The following FTO variants were observed in gnomAD, a reference collection of about 807,000 sequenced individuals.
FTO encodes the protein FTO alpha-ketoglutarate dependent dioxygenase, also known as alpha-ketoglutarate-dependent dioxygenase FTO.
A neutral mutation model predicts 63.9 loss-of-function variants in FTO; 47 were observed. That is an observed-to-expected ratio of 0.74 (90% CI 0.58 to 0.94). The LOEUF (loss-of-function observed/expected upper bound fraction) is 0.94. FTO is among the 40% of genes least tolerant of loss of function. The pLI, the probability that FTO is intolerant of heterozygous loss-of-function variation, is 0.00. For missense variants in FTO, 562 were observed against 618.1 expected, an observed-to-expected ratio of 0.91 and a Z score of 0.96; for synonymous variants, 207 against 224.4, an observed-to-expected ratio of 0.92 and a Z score of 0.69.
chr16:53,868,462 A>C (rs969816701), intron 4 of FTO, among the ~76,000 whole-genome samples: 11 of 152,282 alleles, frequency 7.2e-5, no homozygotes, highest in African/African-American at 2.2e-4. Context: ...GTGCAAGTAC[A>C]GTAAAATAAA....
intron 2 of FTO, among the ~76,000 whole-genome samples, chr16:53,821,484 A>G (rs1311515046): frequency 1.3e-5 from 2 of 152,202 alleles, no homozygotes; most frequent in Non-Finnish European, 2.9e-5. Flanking sequence ...AGCTATGTAA[A>G]TAGAAAGTAC....
chr16:54,064,007 T>A (rs566908080), intron 8 of FTO: 114 of 138,230 alleles, frequency 8.2e-4, no homozygotes, highest in Admixed American at 2.9e-3. Flanking sequence ...CTTCTTGTCC[T>A]ATTCCTTTAT....
chr16:53,889,909 C>A (rs1270276756), intron 7 of FTO, among the ~76,000 whole-genome samples: 1 of 152,106 alleles, frequency 6.6e-6, no homozygotes, highest in Non-Finnish European at 1.5e-5. Flanking sequence ...TTCTGTAAAA[C>A]TTCTTTAACT....
At chr16:53,731,740 T>A (rs1440012258) in intron 1 of FTO, among the ~76,000 whole-genome samples, 1 of 149,262 alleles carries the variant, frequency 6.7e-6, no homozygotes, top group Admixed American at 6.7e-5. Context: ...GCCCAACTAA[T>A]GTTTGTACTT....
At chr16:53,886,221 G>C (rs1436325821) in intron 6 of FTO, among the ~76,000 whole-genome samples, 1 of 152,142 alleles carries the variant, frequency 6.6e-6, no homozygotes, top group Non-Finnish European at 1.5e-5. Context: ...CCAGTTTCTA[G>C]TGTACCCTGA....
chr16:54,094,679 A>G (rs1163919186), intron 8 of FTO, among the ~76,000 whole-genome samples: 3 of 152,342 alleles, frequency 2.0e-5, no homozygotes, highest in Admixed American at 1.3e-4. Context: ...CGAACAATAC[A>G]TCAAAGCCTT....
intron 4 of FTO, among the ~76,000 whole-genome samples, chr16:53,844,686 C>T (rs2079570609): frequency 6.6e-6 from 1 of 152,174 alleles, no homozygotes; most frequent in African/African-American, 2.4e-5. Context: ...TCTCAAACTC[C>T]TGACCTCAGG....
At chr16:53,769,614 C>G (rs1429428916) in intron 1 of FTO, among the ~76,000 whole-genome samples, 1 of 152,048 alleles carries the variant, frequency 6.6e-6, no homozygotes, top group East Asian at 1.9e-4. Flanking sequence ...GGCCATTTAT[C>G]TATGAGACAC....
intron 4 of FTO, among the ~76,000 whole-genome samples, chr16:53,853,553 T>C (rs2079879104): frequency 6.6e-6 from 1 of 152,146 alleles, no homozygotes; most frequent in African/African-American, 2.4e-5. Flanking sequence ...AGTGCCCACT[T>C]ACAAGTGAGA....
intron 7 of FTO, among the ~76,000 whole-genome samples, chr16:53,899,579 A>T (rs1455977458): frequency 6.6e-6 from 1 of 152,170 alleles, no homozygotes; most frequent in Admixed American, 6.5e-5. Context: ...ATAGCTTTTG[A>T]TGATGGAAGG....
In FTO at chr16:53,976,067, T is replaced by C. The variant is rs193264664; in HGVS notation, c.1364+41958T>C. Reference sequence around the variant, plus strand: ...CCCACCCCAGTGTAGTGCTTTTCACTGTAAAAATTTAATGATGTCTTTCAT... The same window carrying C: ...CCCACCCCAGTGTAGTGCTTTTCACCGTAAAAATTTAATGATGTCTTTCAT... On this transcript the variant is annotated intron_variant, in intron 8 of 8. Coordinates refer to ENST00000471389, the MANE Select transcript of FTO (RefSeq NM_001080432.3). Among the ~76,000 whole-genome samples the C allele has an allele frequency of 2.2e-3, 339 of 152,320 alleles. 9 individuals are homozygous for C. Among genetic ancestry groups the C allele is most frequent in the Admixed American group, 0.021 (316 of 15,302 alleles).
At chr16:53,987,310 G>C (rs1473385161) in intron 8 of FTO, among the ~76,000 whole-genome samples, 2 of 152,064 alleles carry the variant, frequency 1.3e-5, no homozygotes, top group African/African-American at 4.8e-5. Context: ...GCCAGGCGCG[G>C]TGGCTCACGC....
At chr16:53,961,051 C>T (rs538770321) in intron 8 of FTO, among the ~76,000 whole-genome samples, 1 of 152,282 alleles carries the variant, frequency 6.6e-6, no homozygotes, top group South Asian at 2.1e-4. Context: ...CTTCACCCCA[C>T]CTTTCTTCTG....
Position 54,087,194 on chromosome 16 carries a change from C to T in FTO, c.1365-24568C>T, listed in dbSNP as rs112847011. Among the ~76,000 whole-genome samples the T allele has an allele frequency of 4.0e-3, 606 of 152,272 alleles. 3 individuals carry two copies. Among genetic ancestry groups the T allele is most frequent in the African/African-American group, 0.014 (574 of 41,540 alleles). ...TTGGTACAGTTACTTAGAAAACAAG[C>T]GTGAACACCTAAAACCATTCCTGAA... On this transcript the variant is annotated intron_variant, in intron 8 of 8. Transcript: ENST00000471389.
At chr16:53,831,017 T>C (rs2079129132) in intron 3 of FTO, among the ~76,000 whole-genome samples, 2 of 152,318 alleles carry the variant, frequency 1.3e-5, no homozygotes, top group African/African-American at 4.8e-5. Flanking sequence ...GCAATAATGT[T>C]CTTGGAATTC....
rs184022958 is a variant in FTO, at chr16:53,830,692, G to T, written c.751+4201G>T. ...AGGCAGGTGGATCACAAGGTCAGGA[G>T]TTCAAGACCAGCCTGGCCAACATGG... is the stretch of plus-strand genomic sequence containing the variant. On this transcript the variant is annotated intron_variant, in intron 3 of 8. Coordinates refer to ENST00000471389, the MANE Select transcript of FTO (RefSeq NM_001080432.3). Among the ~76,000 whole-genome samples the T allele has an allele frequency of 2.8e-3, 424 of 152,264 alleles. 1 individual carries two copies. Among genetic ancestry groups the T allele is most frequent in the African/African-American group, 9.6e-3 (399 of 41,546 alleles).
intron 8 of FTO, chr16:53,935,657 C>T (rs1672229271): frequency 6.6e-6 from 1 of 152,160 alleles, no homozygotes; most frequent in Non-Finnish European, 1.5e-5. Flanking sequence ...GATCCTCTTG[C>T]CTTGACCTCC....
At chr16:53,875,591 A>C (rs2080625867) in intron 5 of FTO, among the ~76,000 whole-genome samples, 1 of 152,218 alleles carries the variant, frequency 6.6e-6, no homozygotes, top group Admixed American at 6.5e-5. Context: ...ACTGTGTGGA[A>C]GGTTATTCTG....
At chr16:53,999,368 A>G (rs1223078217) in intron 8 of FTO, among the ~76,000 whole-genome samples, 2 of 152,200 alleles carry the variant, frequency 1.3e-5, no homozygotes, top group African/African-American at 4.8e-5. Flanking sequence ...GGAACGGGGA[A>G]GACTTTCCGG....
Sources: gnomAD v4.1 joint callset for allele counts (sites outside exome capture counted in the v4.1 genomes callset) on GRCh38, gnomAD v4.1.1 for gene constraint, MANE v1.5 for transcripts, NCBI Gene and HGNC (gene_info 2026-07-23, HGNC 2026-07-21) for gene names.